The following CACNA2D3 variants were observed in gnomAD, a reference collection of about 807,000 sequenced individuals.
CACNA2D3 encodes the protein calcium voltage-gated channel auxiliary subunit alpha2delta 3.
In CACNA2D3, 60 loss-of-function variants were observed where a neutral mutation model predicts 160.6. That is an observed-to-expected ratio of 0.37 (90% CI 0.30 to 0.46). The LOEUF (loss-of-function observed/expected upper bound fraction) is 0.46, where lower values mean the gene tolerates loss of function less well. CACNA2D3 is among the 20% of genes least tolerant of loss of function. The pLI is 1.00. For missense variants in CACNA2D3, 1,205 were observed against 1,365.0 expected (o/e 0.88, Z 1.85); for synonymous variants, 558 against 492.9 (o/e 1.13, Z -1.75).
chr3:54,640,734 A>G (rs1016124010), intron 10 of CACNA2D3, among the ~76,000 whole-genome samples: 3 of 152,328 alleles, frequency 2.0e-5, no homozygotes, highest in East Asian at 1.9e-4. Context: ...TCTCAAGTGA[A>G]TTGTCATGTT....
At chr3:54,762,980 C>A (rs932523507) in intron 12 of CACNA2D3, among the ~76,000 whole-genome samples, 7 of 151,086 alleles carry the variant, frequency 4.6e-5, no homozygotes, top group Admixed American at 4.0e-4. Context: ...CCCAGCTACT[C>A]AGGAGGCTGA....
intron 10 of CACNA2D3, 76 bp downstream of exon 10, chr3:54,627,952 G>C: frequency 3.0e-6 from 3 of 1,011,830 alleles, no homozygotes; most frequent in Non-Finnish European, 3.0e-6. Flanking sequence ...TGTGGGCCAG[G>C]CTGGGCGCTG....
chr3:55,051,222 C>G (rs1169099687), intron 35 of CACNA2D3, among the ~76,000 whole-genome samples: 1 of 152,152 alleles, frequency 6.6e-6, no homozygotes, highest in Non-Finnish European at 1.5e-5. Context: ...GTTTTTTCCC[C>G]ATCTTTGTGG....
At chr3:54,438,836 A>G (rs965642086) in intron 4 of CACNA2D3, among the ~76,000 whole-genome samples, 1 of 152,216 alleles carries the variant, frequency 6.6e-6, no homozygotes, top group Non-Finnish European at 1.5e-5. Flanking sequence ...ATATAACACC[A>G]AAAGATTAAT....
At chr3:54,123,059 C>G (rs763210119) in intron 1 of CACNA2D3, among the ~76,000 whole-genome samples, 12 of 152,188 alleles carry the variant, frequency 7.9e-5, no homozygotes, top group Admixed American at 2.0e-4. Flanking sequence ...AGGCTCACCT[C>G]AAGTGACGGC....
chr3:54,975,540 A>AC (rs1481177213), intron 29 of CACNA2D3, among the ~76,000 whole-genome samples: 2 of 148,844 alleles, frequency 1.3e-5, no homozygotes, highest in Non-Finnish European at 3.0e-5. Flanking sequence ...AAAAAAAAAA[A>AC]AAAAAAACAA....
At position 54,569,991 on chromosome 3, in the gene CACNA2D3, A is replaced by G. The variant is rs1317831070; in HGVS notation, c.775A>G (p.Ile259Val). 6.2e-7 allele frequency: 1 copy of G among 1,614,000 alleles called. No individual in the cohort carries two copies. The highest frequency in any genetic ancestry group is 1.1e-5 in the South Asian group (1 of 91,084). The change falls in exon 8 of 38, where the codon ATT becomes GTT. Residue 259 changes from isoleucine to valine, a missense_variant. Ile to Val is a conservative substitution (Grantham distance 29). This residue lies in a region of CACNA2D3 where 131 missense variants were observed against 201.5 expected (regional missense o/e 0.65). Transcript: ENST00000474759. Reference sequence around the variant, plus strand: ...AGCAACTTCTCCGAAAGACGTGGTCATTTTAGTTGACGTCAGTGGCAGCAT... The same window carrying G: ...AGCAACTTCTCCGAAAGACGTGGTCGTTTTAGTTGACGTCAGTGGCAGCAT... Reference protein sequence around the residue: ...QAATSPKDVVILVDVSGSMKG... With the variant: ...QAATSPKDVVVLVDVSGSMKG...
intron 2 of CACNA2D3, among the ~76,000 whole-genome samples, chr3:54,125,430 T>TC (rs1280199825): frequency 6.6e-6 from 1 of 152,226 alleles, no homozygotes; most frequent in Non-Finnish European, 1.5e-5. Flanking sequence ...GACAATTGTG[T>TC]AATTATTTCC....
rs33976949 is a variant in CACNA2D3 at position 54,368,693 on chromosome 3, CTTTTTTTTTTTTTTT to C, written c.322-18010_322-17996del. Among the ~76,000 whole-genome samples, 34 of 71,538 alleles carry C rather than the reference CTTTTTTTTTTTTTTT, an allele frequency of 4.8e-4. 1 individual carries two copies. Among genetic ancestry groups the C allele is most frequent in the Middle Eastern group, 0.04 (2 of 50 alleles). The allele number at this position is 71,538 out of a possible 152,430, so 46.9% of individuals were successfully genotyped here. On this transcript the variant is annotated intron_variant, in intron 3 of 37. Transcript: ENST00000474759. ...CAAGGTAATATTTGGGGGTAGGGTT[CTTTTTTTTTTTTTTT>C]TTTTTTTTTTTGAGGCGGAGTCTCA...
At chr3:54,517,499 T>C (rs1470648905) in intron 5 of CACNA2D3, among the ~76,000 whole-genome samples, 1 of 152,094 alleles carries the variant, frequency 6.6e-6, no homozygotes, top group Non-Finnish European at 1.5e-5. Context: ...CCCCAGCCCC[T>C]CCCCACAACT....
Position 54,822,840 on chromosome 3 carries a change from C to CTTTCTTTCT in CACNA2D3, c.1398+5973_1398+5981dup, listed in dbSNP as rs1703668150. 5.4e-4 allele frequency among the ~76,000 whole-genome samples: 56 copies of CTTTCTTTCT among 103,758 alleles called. 1 individual carries two copies. Among genetic ancestry groups the CTTTCTTTCT allele is most frequent in the African/African-American group, 2.3e-3 (55 of 24,072 alleles). 68.1% of individuals were successfully genotyped at this position (103,758 alleles called of 152,430 possible). Reference sequence around the variant, plus strand: ...CTTTCTTTCTTTCTTTCTTTTCTTTCTTTCTTTCTTTCTTTCTTTCTTTTT... The same window carrying CTTTCTTTCT: ...CTTTCTTTCTTTCTTTCTTTTCTTTCTTTCTTTCTTTTCTTTCTTTCTTTCTTTCTTTTT... On this transcript the variant is annotated intron_variant, in intron 14 of 37. Coordinates refer to ENST00000474759, the MANE Select transcript of CACNA2D3 (RefSeq NM_018398.3).
chr3:54,159,231 C>A (rs1700298076), intron 2 of CACNA2D3, among the ~76,000 whole-genome samples: 1 of 152,090 alleles, frequency 6.6e-6, no homozygotes, highest in South Asian at 2.1e-4. Flanking sequence ...GAAAAAAAAT[C>A]CATAGTTTTA....
At position 55,007,763 on chromosome 3, in the gene CACNA2D3, T is replaced by A. The variant is rs967978401; in HGVS notation, c.2767-27T>A. The stretch of plus-strand genomic sequence containing the variant: ...CAAATTTTGTGTGCACTACATTGTT[T>A]TTAATGAACTGAATTCTTCTCTTCA... On this transcript the variant is annotated intron_variant, in intron 32 of 37. Transcript: ENST00000474759. 5 of 1,507,768 alleles carry A rather than the reference T, an allele frequency of 3.3e-6. No homozygotes were observed. The South Asian group carries it at 6.4e-5, about 19-fold the overall frequency. 93.4% of individuals were successfully genotyped at this position (1,507,768 alleles called of 1,614,324 possible). A position where few individuals can be genotyped will look rare whatever the true frequency, so the allele number is the denominator to read the frequency against.
intron 5 of CACNA2D3, among the ~76,000 whole-genome samples, chr3:54,531,136 G>C (rs1427391693): frequency 6.6e-6 from 1 of 152,244 alleles, no homozygotes; most frequent in African/African-American, 2.4e-5. Flanking sequence ...GTCGAGGATG[G>C]ATTATTCGAA....
intron 17 of CACNA2D3, among the ~76,000 whole-genome samples, chr3:54,860,350 T>G (rs974651804): frequency 6.6e-6 from 1 of 152,088 alleles, no homozygotes; most frequent in African/African-American, 2.4e-5. Flanking sequence ...AATGCCTGCT[T>G]CTCCCAAAGG....
intron 6 of CACNA2D3, among the ~76,000 whole-genome samples, chr3:54,567,482 G>A (rs531575559): frequency 1.3e-5 from 2 of 151,764 alleles, no homozygotes; most frequent in Non-Finnish European, 2.9e-5. Context: ...AGTAGGATAG[G>A]CAGTATCTGT....
At chr3:54,984,390 C>T in intron 29 of CACNA2D3, among the ~76,000 whole-genome samples, 1 of 151,980 alleles carries the variant, frequency 6.6e-6, no homozygotes, top group East Asian at 1.9e-4. Context: ...CTCGTTCAGT[C>T]TTTTATTTTT....
intron 6 of CACNA2D3, among the ~76,000 whole-genome samples, chr3:54,565,979 G>A (rs1015556668): frequency 6.6e-6 from 1 of 152,190 alleles, no homozygotes; most frequent in Admixed American, 6.5e-5. Context: ...ATAACACATA[G>A]TGGGTGCTCA....
chr3:54,826,227 C>A (rs1207088419), intron 14 of CACNA2D3, among the ~76,000 whole-genome samples: 2 of 152,086 alleles, frequency 1.3e-5, no homozygotes, highest in African/African-American at 4.8e-5. Flanking sequence ...ATATCCATTA[C>A]AAACCCAAAT....
Sources: allele counts gnomAD v4.1 joint callset (sites outside exome capture counted in the v4.1 genomes callset), GRCh38; gene constraint gnomAD v4.1.1; regional missense constraint gnomAD v4.1.1; transcripts MANE v1.5; gene names NCBI Gene and HGNC (gene_info 2026-07-23, HGNC 2026-07-21).